The following NME8 variants were observed in gnomAD, a reference collection of about 807,000 sequenced individuals.
NME8 encodes the protein protein NME8.
In NME8, 72 loss-of-function variants were observed where a neutral mutation model predicts 82.3. The observed-to-expected ratio is 0.87, with a 90% CI of 0.72 to 1.06. NME8 has a LOEUF of 1.06. NME8 is among the 50% of genes least tolerant of loss of function. The pLI, the probability that NME8 is intolerant of heterozygous loss-of-function variation, is 0.00. For missense variants in NME8, 712 were observed against 685.4 expected (o/e 1.04, Z -0.43); for synonymous variants, 267 against 228.5 (o/e 1.17, Z -1.52).
chr7:37,879,277 T>A (rs991356478), intron 12 of NME8, among the ~76,000 whole-genome samples: 1 of 152,108 alleles, frequency 6.6e-6, no homozygotes, highest in African/African-American at 2.4e-5. Flanking sequence ...GTCTCCCAAG[T>A]AGCTGTGATT....
At chr7:37,872,828 T>C (rs935528394) in intron 11 of NME8, among the ~76,000 whole-genome samples, 1 of 152,194 alleles carries the variant, frequency 6.6e-6, no homozygotes, top group African/African-American at 2.4e-5. Flanking sequence ...TGCATTTGTC[T>C]GCCAATTGCA....
chr7:37,868,929 T>C (rs559023575), intron 11 of NME8, among the ~76,000 whole-genome samples: 2 of 152,332 alleles, frequency 1.3e-5, no homozygotes, highest in South Asian at 2.1e-4. Flanking sequence ...GTTATTCCTC[T>C]GAAGACTCAG....
intron 6 of NME8, among the ~76,000 whole-genome samples, chr7:37,857,551 G>T (rs1196550143): frequency 1.3e-5 from 2 of 152,120 alleles, no homozygotes; most frequent in Non-Finnish European, 2.9e-5. Context: ...TGACACACTG[G>T]ATTCATCAGG....
intron 14 of NME8, among the ~76,000 whole-genome samples, chr7:37,887,688 C>G (rs1389368307): frequency 1.3e-5 from 2 of 152,060 alleles, no homozygotes; most frequent in Non-Finnish European, 2.9e-5. Context: ...AAGAAATATC[C>G]GAGACTGGGT....
At position 37,867,907 on chromosome 7, in the gene NME8, C is replaced by G. The variant is rs1784713199; in HGVS notation, c.818+9C>G. The stretch of plus-strand genomic sequence containing the variant: ...AAGAACAAACAAGACAGGTATAGCT[C>G]AAGACCAGGAATTGTGTTACTTGCA... On this transcript the variant is annotated intron_variant, in intron 11 of 17. Transcript: ENST00000199447. 8.1e-6 allele frequency: 13 copies of G among 1,611,766 alleles called. No homozygotes were observed. The highest frequency in any genetic ancestry group is 9.3e-6 in the Non-Finnish European group (11 of 1,178,356).
Position 37,862,070 on chromosome 7 carries a change from C to T in NME8, c.313C>T (p.Leu105Phe), listed in dbSNP as rs1250574787. 1 of 1,613,620 alleles carries T rather than the reference C, an allele frequency of 6.2e-7. No individual in the cohort carries two copies. Among genetic ancestry groups the T allele is most frequent in the East Asian group, 2.2e-5 (1 of 44,818 alleles). Residue 105 changes from leucine (L) to phenylalanine (F), a missense_variant, in exon 7 of 18, where the codon CTT (leucine) becomes TTT (phenylalanine). Physicochemically the swap from Leu to Phe is conservative, Grantham distance 22. Transcript: ENST00000199447. ...IEKIQGANAP[L>F]VNKKVINLID... The stretch of plus-strand genomic sequence containing the variant: ...AAAGATTCAGGGTGCAAATGCACCG[C>T]TTGTTAATAAAAAAGTTATTAATTT...
intron 15 of NME8, among the ~76,000 whole-genome samples, chr7:37,891,142 G>T (rs888117984): frequency 6.6e-6 from 1 of 151,678 alleles, no homozygotes; most frequent in African/African-American, 2.4e-5. Flanking sequence ...TTGTTTGTTT[G>T]CTATTGAGTT....
chr7:37,849,613 G>A (rs938864266), intron 2 of NME8, among the ~76,000 whole-genome samples: 1 of 152,170 alleles, frequency 6.6e-6, no homozygotes, highest in Non-Finnish European at 1.5e-5. Flanking sequence ...AATGAATACT[G>A]TAATCCCAGC....
chr7:37,888,142 C>CT (rs1785072144), intron 14 of NME8, 135 bp from the exon 15 acceptor site: 4 of 846,580 alleles, frequency 4.7e-6, no homozygotes, highest in Non-Finnish European at 7.9e-6. Context: ...CCGCCATGTA[C>CT]TTACTTCCTT....
chr7:37,860,117 G>A (rs904384915), intron 6 of NME8, among the ~76,000 whole-genome samples: 1 of 152,096 alleles, frequency 6.6e-6, no homozygotes, highest in African/African-American at 2.4e-5. Context: ...AGAGTTTCAG[G>A]TTTCATTTAA....
At chr7:37,857,606 C>T (rs867258188) in intron 6 of NME8, among the ~76,000 whole-genome samples, 1 of 152,126 alleles carries the variant, frequency 6.6e-6, no homozygotes, top group African/African-American at 2.4e-5. Flanking sequence ...AGGAAATGAT[C>T]GGAGATTTGC....
At chr7:37,898,903 T>A (rs1785272027) in intron 17 of NME8, among the ~76,000 whole-genome samples, 1 of 152,032 alleles carries the variant, frequency 6.6e-6, no homozygotes, top group African/African-American at 2.4e-5. Context: ...ATAAAAAAAA[T>A]AGTAACAAAA....
chr7:37,880,907 T>G (rs985643064), intron 12 of NME8, among the ~76,000 whole-genome samples: 17 of 152,290 alleles, frequency 1.1e-4, no homozygotes, highest in African/African-American at 3.8e-4. Flanking sequence ...ATAAATTGTT[T>G]TGCTTTAAAT....
rs372034141 is a variant in NME8 at position 37,896,914 on chromosome 7, C to A, written c.1589C>A (p.Ala530Glu). The A allele has an allele frequency of 6.2e-7, 1 of 1,613,664 alleles. No homozygotes were observed. The highest frequency in any genetic ancestry group is 8.5e-7 in the Non-Finnish European group (1 of 1,179,854). ...ATTCTGACCAAGTGGAATGCTGTTG[C>A]AGAATGGAGACGATTGATGGGCCCA... The part of the protein sequence containing the change: ...VMILTKWNAV[A>E]EWRRLMGPTD... The change falls in exon 17 of 18, where the codon GCA (alanine) becomes GAA (glutamate). Residue 530 changes from alanine to glutamate, a missense_variant. Ala to Glu is a moderately radical substitution (Grantham distance 107). Transcript: ENST00000199447.
intron 15 of NME8, 55 bp downstream of exon 15, chr7:37,888,483 A>C: frequency 6.6e-7 from 1 of 1,523,116 alleles, no homozygotes; most frequent in Non-Finnish European, 8.9e-7. Context: ...TTTTGTGAAC[A>C]TTTAAAAAAT....
At chr7:37,871,817 A>T (rs769658177) in intron 11 of NME8, among the ~76,000 whole-genome samples, 5 of 151,986 alleles carry the variant, frequency 3.3e-5, no homozygotes, top group Non-Finnish European at 7.4e-5. Flanking sequence ...TTTTTCCTTT[A>T]TGATATTCTC....
intron 17 of NME8, among the ~76,000 whole-genome samples, chr7:37,898,764 C>G (rs1785269457): frequency 6.6e-6 from 1 of 152,042 alleles, no homozygotes; most frequent in Admixed American, 6.5e-5. Context: ...TTTAAGTTGA[C>G]AAAATATTTT....
At chr7:37,870,628 G>A (rs560492918) in intron 11 of NME8, among the ~76,000 whole-genome samples, 3 of 151,730 alleles carry the variant, frequency 2.0e-5, no homozygotes, top group Non-Finnish European at 4.4e-5. Flanking sequence ...TTTGTGTTGG[G>A]CCACATTCAA....
rs1231085711 is a variant in NME8 at position 37,863,444 on chromosome 7, T to G, written c.436T>G (p.Ser146Ala). Residue 146 changes from serine (S) to alanine (A), a missense_variant, in exon 8 of 18, where the codon TCA becomes GCA. By Grantham distance (99) the Ser-to-Ala change is moderately conservative. Coordinates refer to ENST00000199447, the MANE Select transcript of NME8 (RefSeq NM_016616.5). The part of the protein sequence containing the change: ...VDSDSEVSEE[S>A]PCESVQELYS... ...CTCAGATTCAGAAGTTAGTGAAGAA[T>G]CACCATGTGAAAGTGTTCGTAAGTA... The G allele has an allele frequency of 1.3e-6, 2 of 1,599,784 alleles. No individual in the cohort carries two copies. The highest frequency in any genetic ancestry group is 4.5e-5 in the East Asian group (2 of 44,788).
Sources: allele counts gnomAD v4.1 joint callset (sites outside exome capture counted in the v4.1 genomes callset), GRCh38; gene constraint gnomAD v4.1.1; transcripts MANE v1.5; gene names NCBI Gene and HGNC (gene_info 2026-07-23, HGNC 2026-07-21).